Variants in PHACTR2 observed in about 807,000 individuals in gnomAD.
PHACTR2 encodes the protein phosphatase and actin regulator 2.
A neutral mutation model predicts 76.0 loss-of-function variants in PHACTR2; 30 were observed. The observed-to-expected ratio is 0.39, with a 90% CI of 0.30 to 0.54. PHACTR2 has a LOEUF of 0.54. Among genes scored for constraint, PHACTR2 ranks in the 20% least tolerant of loss-of-function variants. The pLI is 0.61. For missense variants in PHACTR2, 696 were observed against 781.1 expected, an observed-to-expected ratio of 0.89 and a Z score of 1.30; for synonymous variants, 292 against 292.5, an observed-to-expected ratio of 1.00 and a Z score of 0.02.
intron 2 of PHACTR2, among the ~76,000 whole-genome samples, chr6:143,735,289 T>TA (rs1323548541): frequency 6.6e-6 from 1 of 152,062 alleles, no homozygotes; most frequent in Admixed American, 6.6e-5. Flanking sequence ...TACAAGATAA[T>TA]AAAAAAACAT....
intron 1 of PHACTR2, among the ~76,000 whole-genome samples, chr6:143,702,825 T>C (rs963139033): frequency 2.1e-5 from 3 of 145,412 alleles, no homozygotes; most frequent in African/African-American, 7.7e-5. Context: ...CTGCTCTACC[T>C]TTAATCTTGC....
rs1309686547 is a variant in PHACTR2 at position 143,684,731 on chromosome 6, C to T, written c.46+6522C>T. 1.3e-5 allele frequency among the ~76,000 whole-genome samples: 2 copies of T among 152,316 alleles called. No homozygotes were observed. Among genetic ancestry groups the T allele is most frequent in the Middle Eastern group, 3.4e-3 (1 of 294 alleles). On this transcript the variant is annotated intron_variant, in intron 1 of 12. Coordinates refer to ENST00000440869, the MANE Select transcript of PHACTR2 (RefSeq NM_001100164.2). This position sits in a 1 kb window ranked among gnomAD's most constrained non-coding sequence, Gnocchi z 4.3. The stretch of plus-strand genomic sequence containing the variant: ...CTTCCTCTGGGTGAGGCAGCTAGCT[C>T]CACAGCACAGACTTAACAAGTGGAA...
Position 143,562,264 on chromosome 6 carries a change from G to T in PHACTR2, c.217+25057G>T, listed in dbSNP as rs1309452600. Reference sequence around the variant, plus strand: ...AGAGGTTTAATTAGCTCACAGTTCTGCAGGCTGTACAGGAAGCACGGTGCT... The same window carrying T: ...AGAGGTTTAATTAGCTCACAGTTCTTCAGGCTGTACAGGAAGCACGGTGCT... On this transcript the variant is annotated intron_variant, in intron 1 of 11. Coordinates refer to the PHACTR2 transcript ENST00000367584. The surrounding 1 kb of genome is among the most constrained non-coding windows in gnomAD (Gnocchi z 5.1). 6.6e-6 allele frequency among the ~76,000 whole-genome samples: 1 copy of T among 152,154 alleles called. No homozygotes were observed. The highest frequency in any genetic ancestry group is 2.4e-5 in the African/African-American group (1 of 41,430).
chr6:143,685,149 G>C (rs1777485940), intron 1 of PHACTR2, among the ~76,000 whole-genome samples: 1 of 151,724 alleles, frequency 6.6e-6, no homozygotes, highest in African/African-American at 2.4e-5. Flanking sequence ...ACAGACTAGG[G>C]CTATTTCAAA....
intron 1 of PHACTR2, among the ~76,000 whole-genome samples, chr6:143,629,345 TG>T (rs1438877217): frequency 6.6e-6 from 1 of 152,094 alleles, no homozygotes; most frequent in East Asian, 1.9e-4. Flanking sequence ...TTCCTTTCAG[TG>T]GTATTTTTAA....
intron 1 of PHACTR2, among the ~76,000 whole-genome samples, chr6:143,540,398 TC>T (rs1781162362): frequency 6.6e-6 from 1 of 151,882 alleles, no homozygotes; most frequent in Non-Finnish European, 1.5e-5. Flanking sequence ...TACCCCAGCC[TC>T]CCCCACAGCT....
At chr6:143,622,947 C>A (rs1776182832) in intron 1 of PHACTR2, among the ~76,000 whole-genome samples, 1 of 152,066 alleles carries the variant, frequency 6.6e-6, no homozygotes, top group Non-Finnish European at 1.5e-5. Context: ...TGAAATTTGG[C>A]CCTAAGTTGA....
rs1776553426 is a variant in PHACTR2, at chr6:143,827,158, ATATATATATATATATAT to A, written c.*3470_*3486del. ...CTGCGTTGGCATTAAAAAAGAAAAT[ATATATATATATATATAT>A]ATATATATATATATATATATATATG... On this transcript the variant is annotated 3_prime_UTR_variant, in exon 13 of 13. Coordinates refer to ENST00000440869, the MANE Select transcript of PHACTR2 (RefSeq NM_001100164.2). 2.1e-4 allele frequency: 7 copies of A among 33,816 alleles called. No homozygotes were observed. The highest frequency in any genetic ancestry group is 8.6e-4 in the African/African-American group (7 of 8,146). 2.1% of individuals were successfully genotyped at this position (33,816 alleles called of 1,614,324 possible).
upstream of PHACTR2, among the ~76,000 whole-genome samples, chr6:143,604,993 G>T (rs11757244): frequency 0.012 from 1,784 of 147,718 alleles, 59 homozygotes; most frequent in East Asian, 0.11. Flanking sequence ...TGCTAATAGG[G>T]TTTTTTTTTT....
Position 143,689,779 on chromosome 6 carries a change from G to A in PHACTR2, c.46+11570G>A, listed in dbSNP as rs914534703. ...CTGATTTCAGCTCACTGCAACCTCC[G>A]GCTCCTGGGTTCAAGTGATTCTCCT... is the stretch of plus-strand genomic sequence containing the variant. On this transcript the variant is annotated intron_variant, in intron 1 of 12. Coordinates refer to ENST00000440869, the MANE Select transcript of PHACTR2 (RefSeq NM_001100164.2). The surrounding 1 kb of genome is among the most constrained non-coding windows in gnomAD (Gnocchi z 4.4). 1.3e-5 allele frequency among the ~76,000 whole-genome samples: 2 copies of A among 149,360 alleles called. No individual in the cohort carries two copies. The highest frequency in any genetic ancestry group is 3.0e-5 in the Non-Finnish European group (2 of 67,636).
chr6:143,573,633 CT>C (rs1281967754), intron 1 of PHACTR2, among the ~76,000 whole-genome samples: 12 of 150,624 alleles, frequency 8.0e-5, no homozygotes, highest in Non-Finnish European at 1.8e-4. Flanking sequence ...GGAAAAGTTT[CT>C]GTTGATAACA....
chr6:143,798,216 T>C (rs1775870946), intron 11 of PHACTR2, among the ~76,000 whole-genome samples: 1 of 152,194 alleles, frequency 6.6e-6, no homozygotes. Context: ...TATTGATGTA[T>C]AGGAATGCTT....
At chr6:143,635,112 G>GTGTTA (rs1237835640) in intron 1 of PHACTR2, among the ~76,000 whole-genome samples, 2 of 152,074 alleles carry the variant, frequency 1.3e-5, no homozygotes, top group African/African-American at 4.8e-5. Context: ...CAGATGGCAT[G>GTGTTA]TGTTACTTTA....
In PHACTR2 at chr6:143,767,021, A is replaced by T. The variant is rs552793794; in HGVS notation, c.1232+1223A>T. On this transcript the variant is annotated intron_variant, in intron 6 of 12. Transcript: ENST00000440869. The surrounding 1 kb of genome is among the most constrained non-coding windows in gnomAD (Gnocchi z 4.4). ...CAATCTGTCATGTTAGACTTAAAAA[A>T]AATTATTACATTAATTAGGTTGGTT... 2.7e-3 allele frequency among the ~76,000 whole-genome samples: 415 copies of T among 152,366 alleles called. 7 individuals are homozygous for T. The highest frequency in any genetic ancestry group is 9.5e-3 in the African/African-American group (394 of 41,572).
At chr6:143,740,613 T>TTGTG (rs1185758268) in intron 2 of PHACTR2, among the ~76,000 whole-genome samples, 3 of 152,052 alleles carry the variant, frequency 2.0e-5, no homozygotes, top group African/African-American at 7.2e-5. Context: ...GGAGTAAGGC[T>TTGTG]GAGGTTCAAG....
intron 1 of PHACTR2, among the ~76,000 whole-genome samples, chr6:143,551,245 G>A (rs1400278613): frequency 6.7e-6 from 1 of 149,524 alleles, no homozygotes; most frequent in African/African-American, 2.5e-5. Context: ...AGCAACTGCT[G>A]AACCCTGTGT....
chr6:143,620,730 C>A (rs1776139459), intron 1 of PHACTR2, among the ~76,000 whole-genome samples: 1 of 152,210 alleles, frequency 6.6e-6, no homozygotes, highest in Non-Finnish European at 1.5e-5. Context: ...AAGGCATAGG[C>A]CATGCCAAAT....
intron 1 of PHACTR2, among the ~76,000 whole-genome samples, chr6:143,569,218 G>A (rs1431571806): frequency 6.6e-6 from 1 of 152,130 alleles, no homozygotes; most frequent in Non-Finnish European, 1.5e-5. Flanking sequence ...CTTGTGGGCT[G>A]AGACAGTGAG....
In PHACTR2 at chr6:143,749,519, TATA is replaced by T. The variant is rs557085147; in HGVS notation, c.295+459_295+461del. On this transcript the variant is annotated intron_variant, in intron 3 of 12. Coordinates refer to ENST00000440869, the MANE Select transcript of PHACTR2 (RefSeq NM_001100164.2). ...CACATACCTCTTGTCCTTTGCACTC[TATA>T]ATAACACTGAAATGTACAATCAATA... is the stretch of plus-strand genomic sequence containing the variant. Among the ~76,000 whole-genome samples, 35 of 152,336 alleles carry T rather than the reference TATA, an allele frequency of 2.3e-4. 1 individual carries two copies. In the South Asian group the frequency reaches 7.0e-3, roughly 31 times the overall value.
Sources: gnomAD v4.1 joint callset for allele counts (sites outside exome capture counted in the v4.1 genomes callset) on GRCh38, gnomAD v4.1.1 for gene constraint, Gnocchi (gnomAD v3.1) non-coding constraint, MANE v1.5 for transcripts, NCBI Gene and HGNC (gene_info 2026-07-23, HGNC 2026-07-21) for gene names.